The following GPR179 variants were observed in gnomAD, a reference collection of about 807,000 sequenced individuals.
GPR179 encodes the protein probable G protein-coupled receptor 179.
A neutral mutation model predicts 70.8 loss-of-function variants in GPR179; 52 were observed. That is an observed-to-expected ratio of 0.73 (90% CI 0.59 to 0.93). The LOEUF (loss-of-function observed/expected upper bound fraction) is 0.93. GPR179 is among the 40% of genes least tolerant of loss of function. GPR179 has a pLI of 0.00. For synonymous variants in GPR179, 1,123 were observed against 1,169.0 expected (o/e 0.96, Z 0.80); for missense variants, 2,734 against 2,966.8 (o/e 0.92, Z 1.82).
chr17:38,337,628 CAT>C lies in GPR179; in HGVS notation c.991+3_991+4del. ...ACATGCCTGGCCCCCACCACACTTA[CAT>C]ACCCCCAGAGGGGCTTGCCCCGTAG... On this transcript the variant is annotated splice_donor_region_variant and intron_variant, in intron 3 of 10. Transcript: ENST00000616987. The C allele has an allele frequency of 6.2e-7, 1 of 1,607,976 alleles. No individual in the cohort carries two copies. Among genetic ancestry groups the C allele is most frequent in the Non-Finnish European group, 8.5e-7 (1 of 1,177,238 alleles).
At chr17:38,338,158 C>T (rs555342488) in intron 2 of GPR179, among the ~76,000 whole-genome samples, 36 of 152,316 alleles carry the variant, frequency 2.4e-4, no homozygotes, top group African/African-American at 8.4e-4. Context: ...ACTGGAAAGG[C>T]CCCCCACGGA....
rs1218372410 is a variant in GPR179, at chr17:38,333,369, T to A, written c.1919A>T (p.Glu640Val). 6.2e-7 allele frequency: 1 copy of A among 1,613,524 alleles called. No homozygotes were observed. The highest frequency in any genetic ancestry group is 8.5e-7 in the Non-Finnish European group (1 of 1,179,738). ...KFWKLGAPPR[E>V]EMVDEVCEDE... ...CTCACACACCTCATCCACCATCTCC[T>A]CCCGGGGAGGAGCCCCCAGCTTCCA... Residue 640 changes from glutamate (E) to valine (V), a missense_variant, in exon 10 of 11, where the codon GAG (glutamate) becomes GTG (valine). Physicochemically the swap from Glu to Val is moderately radical, Grantham distance 121. Transcript: ENST00000616987.
rs372112783 is a variant in GPR179, at chr17:38,335,056, C to A, written c.1622G>T (p.Arg541Leu). 12 of 1,613,206 alleles carry A rather than the reference C, an allele frequency of 7.4e-6. No homozygotes were observed. Among genetic ancestry groups the A allele is most frequent in the Non-Finnish European group, 1.0e-5 (12 of 1,179,620 alleles). ...ACCCACAACCATGATGTAGTCCCAG[C>A]GGTCGTGGTGACAGAGGTAGAAATG... Reference protein sequence around the residue: ...GRHFYLCHHDRWDYIMVVAEL... With the variant: ...GRHFYLCHHDLWDYIMVVAEL... The change falls in exon 7 of 11, where the codon CGC becomes CTC. Residue 541 changes from arginine to leucine, a missense_variant. Coordinates refer to ENST00000616987, the MANE Select transcript of GPR179 (RefSeq NM_001004334.4).
intron 2 of GPR179, among the ~76,000 whole-genome samples, chr17:38,338,305 G>A (rs2037423341): frequency 6.6e-6 from 1 of 152,218 alleles, no homozygotes; most frequent in Admixed American, 6.5e-5. Context: ...ATGTTTGCCC[G>A]GCAGGGGACA....
rs775229291 is a variant in GPR179 at position 38,329,117 on chromosome 17, A to C, written c.4452T>G (p.Asp1484Glu). ...GCATTTCCTGCCCCATCACGTTATC[A>C]TCCAGCTCCCAGGGACAGATCTCTG... ...QKAEICPWEL[D>E]DNVMGQEMLS... The change falls in exon 11 of 11, where the codon GAT becomes GAG. Residue 1484 changes from aspartate (D) to glutamate (E), a missense_variant. Asp to Glu is a conservative substitution (Grantham distance 45). Coordinates refer to ENST00000616987, the MANE Select transcript of GPR179 (RefSeq NM_001004334.4). 5 of 1,613,834 alleles carry C rather than the reference A, an allele frequency of 3.1e-6. No homozygotes were observed. The highest frequency in any genetic ancestry group is 4.2e-6 in the Non-Finnish European group (5 of 1,180,018).
rs1958255281 is a variant in GPR179 at position 38,330,802 on chromosome 17, C to T, written c.2767G>A (p.Glu923Lys). ...GGATGAGGCAGCCTTCTCCTAGCCT[C>T]CTCATGAAGCCTCCCAGAGGTGTGA... Reference protein sequence around the residue: ...SSHTSGRLHEEARRRLPHPPI... With the variant: ...SSHTSGRLHEKARRRLPHPPI... The change falls in exon 11 of 11, where the codon GAG (glutamate) becomes AAG (lysine). Residue 923 changes from glutamate to lysine, a missense_variant. Physicochemically the swap from Glu to Lys is moderately conservative, Grantham distance 56. Coordinates refer to ENST00000616987, the MANE Select transcript of GPR179 (RefSeq NM_001004334.4). The T allele has an allele frequency of 6.2e-7, 1 of 1,603,742 alleles. No homozygotes were observed. Among genetic ancestry groups the T allele is most frequent in the Non-Finnish European group, 8.5e-7 (1 of 1,174,760 alleles).
intron 1 of GPR179, 147 bp downstream of exon 1, chr17:38,342,849 C>T (rs531013166): frequency 3.3e-5 from 25 of 751,274 alleles, no homozygotes; most frequent in Middle Eastern, 4.0e-4. Flanking sequence ...ACTGTAAGTA[C>T]ACACAGCTGA....
At chr17:38,333,652 T>C (rs2037378650) in intron 9 of GPR179, among the ~76,000 whole-genome samples, 1 of 152,198 alleles carries the variant, frequency 6.6e-6, no homozygotes, top group East Asian at 1.9e-4. Flanking sequence ...TCTCCCTGTA[T>C]ACCTGCTTCT....
rs1301813055 is a variant in GPR179, at chr17:38,343,558, C to T, written c.232G>A (p.Glu78Lys). The change falls in exon 1 of 11, where the codon GAG becomes AAG. Residue 78 changes from glutamate to lysine, a missense_variant. Physicochemically the swap from Glu to Lys is moderately conservative, Grantham distance 56. Transcript: ENST00000616987. The surrounding 1 kb of genome is among the most constrained non-coding windows in gnomAD (Gnocchi z 4.2). ...AQQLSQVNCS[E>K]RYEARGAGAM... is the part of the protein sequence containing the mutation. ...CCTGCCCCACGCGCTTCATAGCGCT[C>T]ACTGCAATTCACCTGTGATAGCTGC... 1 of 1,613,800 alleles carries T rather than the reference C, an allele frequency of 6.2e-7. No homozygotes were observed. Among genetic ancestry groups the T allele is most frequent in the Non-Finnish European group, 8.5e-7 (1 of 1,180,008 alleles).
Position 38,334,159 on chromosome 17 carries a change from T to G in GPR179, c.1785-121A>C. ...ATACGCTTAGGACGAGGGGGCATTC[T>G]GCCCTCTCCTGCCCTCTCCAGGATT... On this transcript the variant is annotated intron_variant, in intron 8 of 10. Transcript: ENST00000616987. The surrounding 1 kb of genome is among the most constrained non-coding windows in gnomAD (Gnocchi z 4.7). 1.4e-6 allele frequency: 1 copy of G among 700,710 alleles called. No homozygotes were observed. The highest frequency in any genetic ancestry group is 2.6e-6 in the Non-Finnish European group (1 of 390,218). The allele number at this position is 700,710 out of a possible 1,614,324, so 43.4% of individuals were successfully genotyped here.
chr17:38,343,483 C>G lies in GPR179; in HGVS notation c.307G>C (p.Ala103Pro), dbSNP rs945902642. ...ATGTTGAGAAAATTGGCGGCCTGGG[C>G]AAGGGTGCCCGCTGCCCCCTGTAGG... ...PSLQGAAGTL[A>P]QAANFLNMLL... The change falls in exon 1 of 11, where the codon GCC becomes CCC. Residue 103 changes from alanine (A) to proline (P), a missense_variant. Transcript: ENST00000616987. The surrounding 1 kb of genome is among the most constrained non-coding windows in gnomAD (Gnocchi z 4.2). 4 of 1,613,940 alleles carry G rather than the reference C, an allele frequency of 2.5e-6. No individual in the cohort carries two copies. Among genetic ancestry groups the G allele is most frequent in the Non-Finnish European group, 2.5e-6 (3 of 1,180,038 alleles).
chr17:38,342,527 T>C (rs929385383), intron 1 of GPR179, among the ~76,000 whole-genome samples: 3 of 152,114 alleles, frequency 2.0e-5, no homozygotes, highest in Admixed American at 6.5e-5. Flanking sequence ...TTAGTAGAGA[T>C]GGGGTTTCTC....
In GPR179 at chr17:38,329,587, G is replaced by A. The variant is rs201040015; in HGVS notation, c.3982C>T (p.Arg1328Ter). ...GCTGACCCAGGGGACAGACCTCCTC[G>A]ATCGGCACTCTCCCAGGGACACACT... is the stretch of plus-strand genomic sequence containing the variant. ...EAVCPWESAD[R>*]GGLSPGSAPQ... Residue 1328 changes from arginine to a stop codon, truncating the protein, a stop_gained, in exon 11 of 11, where the codon CGA (arginine) becomes TGA (stop). Transcript: ENST00000616987. LOFTEE classifies it low-confidence loss of function (END_TRUNC). The A allele has an allele frequency of 9.9e-6, 16 of 1,613,572 alleles. No individual in the cohort carries two copies. The highest frequency in any genetic ancestry group is 8.3e-5 in the Admixed American group (5 of 59,986).
intron 1 of GPR179, 34 bp from the exon 2 acceptor site, chr17:38,339,559 G>C: frequency 6.9e-7 from 1 of 1,452,560 alleles, no homozygotes; most frequent in Admixed American, 1.7e-5. Flanking sequence ...GGGGCACAGT[G>C]ATTGATGCCA....
At position 38,329,914 on chromosome 17, in the gene GPR179, G is replaced by T; in HGVS notation, c.3655C>A (p.Pro1219Thr). The stretch of plus-strand genomic sequence containing the variant: ...TTGGGCAGTTCCTGCCACCCGACAG[G>T]GGTTTCTTTTGATTGCTTGATGTTT... ...DKNIKQSKET[P>T]VGWQELPKAG... Residue 1219 changes from proline to threonine, a missense_variant, in exon 11 of 11, where the codon CCT (proline) becomes ACT (threonine). By Grantham distance (38) the Pro-to-Thr change is conservative. Coordinates refer to ENST00000616987, the MANE Select transcript of GPR179 (RefSeq NM_001004334.4). The T allele has an allele frequency of 1.2e-6, 2 of 1,614,138 alleles. No individual in the cohort carries two copies. Among genetic ancestry groups the T allele is most frequent in the East Asian group, 4.5e-5 (2 of 44,878 alleles).
intron 3 of GPR179, 58 bp from the exon 4 acceptor site, chr17:38,337,271 C>A (rs1354555133): frequency 2.0e-6 from 3 of 1,517,014 alleles, no homozygotes; most frequent in Non-Finnish European, 2.7e-6. Context: ...CCTGACATCC[C>A]AGCCTTTTCC....
At chr17:38,342,868 A>T in intron 1 of GPR179, 128 bp downstream of exon 1, 1 of 858,056 alleles carries the variant, frequency 1.2e-6, no homozygotes, top group Non-Finnish European at 1.8e-6. Flanking sequence ...GAGTACAAAT[A>T]CCCACATCTG....
rs1007998105 is a variant in GPR179 at position 38,326,299 on chromosome 17, T to C, written c.*166A>G. ...GGCCTTCCCATTGGGGTCTAAGCTG[T>C]ACCCTTTTCATGCAGTTTGTCTTTG... On this transcript the variant is annotated 3_prime_UTR_variant, in exon 11 of 11. Transcript: ENST00000616987. 3.3e-6 allele frequency: 2 copies of C among 600,144 alleles called. No homozygotes were observed. The highest frequency in any genetic ancestry group is 5.9e-6 in the Non-Finnish European group (2 of 340,012). 37.2% of individuals were successfully genotyped at this position (600,144 alleles called of 1,614,324 possible).
At chr17:38,342,837 C>T (rs544306748) in intron 1 of GPR179, among the ~76,000 whole-genome samples, 159 bp downstream of exon 1, 200 of 152,344 alleles carry the variant, frequency 1.3e-3, no homozygotes, top group Non-Finnish European at 2.4e-3. Context: ...TTCCCAGAGC[C>T]GACTGTAAGT....
Sources: gnomAD v4.1 joint callset for allele counts (sites outside exome capture counted in the v4.1 genomes callset) on GRCh38, gnomAD v4.1.1 for gene constraint, Gnocchi (gnomAD v3.1) non-coding constraint, MANE v1.5 for transcripts, NCBI Gene and HGNC (gene_info 2026-07-23, HGNC 2026-07-21) for gene names.